Variants in TENM4 observed in about 807,000 individuals in gnomAD.
TENM4 encodes the protein teneurin-4.
Under a neutral mutation model 243.3 loss-of-function variants are expected in TENM4, and 82 were observed. The ratio of observed to expected loss-of-function variants is 0.34; its 90% confidence interval spans 0.28 to 0.40. The LOEUF (loss-of-function observed/expected upper bound fraction) is 0.40. Ranked by LOEUF, TENM4 falls within the 10% of genes least tolerant of loss-of-function variation. The pLI is 1.00. For missense variants in TENM4, 3,138 were observed against 3,673.3 expected (o/e 0.85, Z 3.77); for synonymous variants, 1,412 against 1,456.3 (o/e 0.97, Z 0.69).
At chr11:79,316,564 A>T (rs1309356547) in intron 1 of TENM4, among the ~76,000 whole-genome samples, 1 of 152,218 alleles carries the variant, frequency 6.6e-6, no homozygotes, top group Non-Finnish European at 1.5e-5. Flanking sequence ...TTTTATTTCA[A>T]TGAAATTTTG....
intron 2 of TENM4, among the ~76,000 whole-genome samples, chr11:79,266,055 C>T (rs1033677075): frequency 4.6e-5 from 7 of 152,190 alleles, no homozygotes; most frequent in Admixed American, 6.5e-5. Flanking sequence ...CTTGCCTCTC[C>T]GGCACTCAGC....
intron 6 of TENM4, among the ~76,000 whole-genome samples, chr11:79,032,901 A>AT (rs1859283181): frequency 6.6e-6 from 1 of 152,202 alleles, no homozygotes; most frequent in South Asian, 2.1e-4. Flanking sequence ...AAAAGTTGTT[A>AT]TTCACTTGTC....
intron 6 of TENM4, among the ~76,000 whole-genome samples, chr11:79,063,614 G>A (rs61745033): frequency 5.3e-5 from 8 of 152,182 alleles, no homozygotes; most frequent in Non-Finnish European, 1.2e-4. Context: ...CTGCCCAAGG[G>A]CTGGTAGGGC....
At position 79,125,881 on chromosome 11, in the gene TENM4, T is replaced by G. The variant is rs181537859; in HGVS notation, c.-66+22829A>C. Among the ~76,000 whole-genome samples, 484 of 152,204 alleles carry G rather than the reference T, an allele frequency of 3.2e-3. 2 individuals carry two copies. The highest frequency in any genetic ancestry group is 0.011 in the African/African-American group (461 of 41,522). On this transcript the variant is annotated intron_variant, in intron 4 of 33. Coordinates refer to ENST00000278550, the MANE Select transcript of TENM4 (RefSeq NM_001098816.3). ...GAGCCCCTAGAGGTGAGGATGAGAGTGTGACCCATGAGGAAGTGCGCTACA... is the reference window on the plus strand; with the variant it reads ...GAGCCCCTAGAGGTGAGGATGAGAGGGTGACCCATGAGGAAGTGCGCTACA...
intron 15 of TENM4, among the ~76,000 whole-genome samples, chr11:78,788,016 G>C (rs1280405453): frequency 1.3e-5 from 2 of 152,234 alleles, no homozygotes; most frequent in African/African-American, 4.8e-5. Flanking sequence ...CTGAGGGAGA[G>C]AGACTGACTT....
At chr11:79,203,612 A>G (rs979612756) in intron 3 of TENM4, among the ~76,000 whole-genome samples, 2 of 152,246 alleles carry the variant, frequency 1.3e-5, no homozygotes, top group African/African-American at 4.8e-5. Flanking sequence ...AACAATATAC[A>G]GTCAGACATC....
chr11:79,291,248 C>A (rs1856351892), intron 2 of TENM4, among the ~76,000 whole-genome samples: 1 of 152,156 alleles, frequency 6.6e-6, no homozygotes. Flanking sequence ...TGCTTTAGTT[C>A]TGTGTAGCAG....
chr11:79,265,621 C>G (rs767818668), intron 2 of TENM4, among the ~76,000 whole-genome samples: 3 of 152,050 alleles, frequency 2.0e-5, no homozygotes, highest in Non-Finnish European at 2.9e-5. Context: ...CGGCTCTGAG[C>G]CATTTTGCTT....
chr11:79,066,875 T>C (rs1860273858), intron 5 of TENM4, among the ~76,000 whole-genome samples: 1 of 152,194 alleles, frequency 6.6e-6, no homozygotes, highest in Non-Finnish European at 1.5e-5. Flanking sequence ...GCTGCTATGC[T>C]AGGCTGTGGT....
chr11:79,364,695 A>T (rs574841085), intron 1 of TENM4, among the ~76,000 whole-genome samples: 2 of 152,210 alleles, frequency 1.3e-5, no homozygotes, highest in Non-Finnish European at 2.9e-5. Flanking sequence ...CAACAAGAAA[A>T]CTGAGGCTTC....
chr11:78,862,227 C>G (rs567711660), intron 10 of TENM4, among the ~76,000 whole-genome samples: 2 of 152,268 alleles, frequency 1.3e-5, no homozygotes, highest in African/African-American at 4.8e-5. Flanking sequence ...AGTCACAGAC[C>G]TGGGCTCATA....
chr11:78,803,093 C>T (rs151259334), intron 15 of TENM4, among the ~76,000 whole-genome samples: 1,548 of 151,142 alleles, frequency 0.01, 35 homozygotes, highest in African/African-American at 0.037. Flanking sequence ...TACAGTGGCA[C>T]GATCTCAGCT....
chr11:79,024,395 G>A (rs868190388), intron 6 of TENM4, among the ~76,000 whole-genome samples: 1 of 152,158 alleles, frequency 6.6e-6, no homozygotes, highest in Non-Finnish European at 1.5e-5. Context: ...AGAGAGGGGG[G>A]GCAGCATGGG....
intron 1 of TENM4, among the ~76,000 whole-genome samples, chr11:79,384,138 TAC>T (rs1215743672): frequency 1.3e-5 from 2 of 152,206 alleles, no homozygotes; most frequent in Non-Finnish European, 2.9e-5. Context: ...AGTGTTAATT[TAC>T]AGTGTTTTAG....
intron 6 of TENM4, among the ~76,000 whole-genome samples, chr11:79,030,756 C>T (rs998182361): frequency 7.9e-5 from 12 of 152,138 alleles, no homozygotes; most frequent in South Asian, 2.1e-4. Context: ...CAAACAGCCT[C>T]GGCAGACCTC....
chr11:79,359,279 G>A (rs888090064), intron 1 of TENM4, among the ~76,000 whole-genome samples: 1 of 152,084 alleles, frequency 6.6e-6, no homozygotes, highest in African/African-American at 2.4e-5. Flanking sequence ...AATGAATCCA[G>A]TATTAAACAT....
chr11:78,836,136 T>A (rs1858107292), intron 12 of TENM4, among the ~76,000 whole-genome samples: 1 of 152,110 alleles, frequency 6.6e-6, no homozygotes, highest in African/African-American at 2.4e-5. Flanking sequence ...GGTGGATGGG[T>A]CACCTGAGGT....
chr11:79,075,632 C>T (rs1860520004), intron 4 of TENM4, among the ~76,000 whole-genome samples: 1 of 152,110 alleles, frequency 6.6e-6, no homozygotes, highest in African/African-American at 2.4e-5. Flanking sequence ...AACTAAGGAC[C>T]AAACTAGTAG....
intron 14 of TENM4, among the ~76,000 whole-genome samples, chr11:78,809,910 T>C (rs1011805735): frequency 5.9e-5 from 9 of 152,204 alleles, no homozygotes; most frequent in African/African-American, 2.2e-4. Flanking sequence ...TTAGACACTC[T>C]GCAGGACCAA....
Sources: allele counts gnomAD v4.1 joint callset (sites outside exome capture counted in the v4.1 genomes callset), GRCh38; gene constraint gnomAD v4.1.1; transcripts MANE v1.5; gene names NCBI Gene and HGNC (gene_info 2026-07-23, HGNC 2026-07-21).